Variants in LOXL3 observed in about 807,000 individuals in gnomAD.
The protein encoded by LOXL3 is lysyl oxidase like 3, also known as lysyl oxidase homolog 3.
In LOXL3, 60 loss-of-function variants were observed where a neutral mutation model predicts 91.8. The observed-to-expected ratio is 0.65, with a 90% confidence interval of 0.53 to 0.81. The LOEUF (loss-of-function observed/expected upper bound fraction) is 0.81, where lower values mean the gene tolerates loss of function less well. LOXL3 is among the 30% of genes least tolerant of loss of function. The pLI is 0.00. For missense variants in LOXL3, 874 were observed against 1,000.4 expected, an observed-to-expected ratio of 0.87 and a Z score of 1.70; for synonymous variants, 355 against 387.6, an observed-to-expected ratio of 0.92 and a Z score of 0.99.
At position 74,549,571 on chromosome 2, in the gene LOXL3, G is replaced by A; in HGVS notation, c.490C>T (p.Leu164=). The part of the protein sequence containing the change: ...DSNVIEVEHH[L]QVEEVRIRPA... The stretch of plus-strand genomic sequence containing the variant: ...CGAATTCGCACCTCCTCCACTTGCA[G>A]GTGATGCTCTACCTGGGGGCGGGGC... The change falls in exon 4 of 14, where the codon CTG becomes TTG. Residue 164 remains leucine, a synonymous_variant. Transcript: ENST00000264094. This position sits in a 1 kb window ranked among gnomAD's most constrained non-coding sequence, Gnocchi z 5.3. The A allele has an allele frequency of 6.2e-7, 1 of 1,609,018 alleles. No individual in the cohort carries two copies. Among genetic ancestry groups the A allele is most frequent in the East Asian group, 2.2e-5 (1 of 44,702 alleles).
In LOXL3 at chr2:74,549,640, G is replaced by C; in HGVS notation, c.478-57C>G. 1 of 1,540,524 alleles carries C rather than the reference G, an allele frequency of 6.5e-7. No homozygotes were observed. On this transcript the variant is annotated intron_variant, in intron 3 of 13. Transcript: ENST00000264094. This position sits in a 1 kb window ranked among gnomAD's most constrained non-coding sequence, Gnocchi z 5.3. ...CCCAGTGGCACCTTTCATGTGTCCC[G>C]CCGCCCTTAAGGAACCCTGCTTGGT...
intron 4 of LOXL3, among the ~76,000 whole-genome samples, chr2:74,541,355 C>T (rs1422624746): frequency 6.6e-6 from 1 of 152,152 alleles, no homozygotes; most frequent in Non-Finnish European, 1.5e-5. Context: ...TGTGAAGACA[C>T]CTTGGGATTT....
In LOXL3 at chr2:74,535,930, G is replaced by A; in HGVS notation, c.1248+66C>T. 1 of 1,512,066 alleles carries A rather than the reference G, an allele frequency of 6.6e-7. No homozygotes were observed. Among genetic ancestry groups the A allele is most frequent in the South Asian group, 1.3e-5 (1 of 75,582 alleles). The allele number at this position is 1,512,066 out of a possible 1,614,324, so 93.7% of individuals were successfully genotyped here. On this transcript the variant is annotated intron_variant, in intron 7 of 13. Coordinates refer to ENST00000264094, the MANE Select transcript of LOXL3 (RefSeq NM_032603.5). This position sits in a 1 kb window ranked among gnomAD's most constrained non-coding sequence, Gnocchi z 4.2. ...GCAATGGGCTGGGGGCCATTGGACT[G>A]TAGATTGGAGACCAGACCTGGATAG...
rs1244466379 is a variant in LOXL3 at position 74,533,865 on chromosome 2, C to T, written c.2188+17G>A. 4 of 1,594,852 alleles carry T rather than the reference C, an allele frequency of 2.5e-6. No homozygotes were observed. Among genetic ancestry groups the T allele is most frequent in the Non-Finnish European group, 3.4e-6 (4 of 1,163,228 alleles). ...CCCATCCCCTAATCTTCCTGGGTTGCTCTTCCCATCAAATACCAATGTGGC... is the reference window on the plus strand; with the variant it reads ...CCCATCCCCTAATCTTCCTGGGTTGTTCTTCCCATCAAATACCAATGTGGC... On this transcript the variant is annotated intron_variant, in intron 13 of 13. Coordinates refer to ENST00000264094, the MANE Select transcript of LOXL3 (RefSeq NM_032603.5).
chr2:74,554,708 G>T, upstream of LOXL3: 1 of 1,593,500 alleles, frequency 6.3e-7, no homozygotes, highest in Non-Finnish European at 8.6e-7. The surrounding 1 kb of genome is among the most constrained non-coding windows in gnomAD (Gnocchi z 4.9). Flanking sequence ...CTCCCGCCCC[G>T]CCTCCCGCCG....
chr2:74,546,232 C>T (rs1461886621), intron 4 of LOXL3, among the ~76,000 whole-genome samples: 1 of 152,204 alleles, frequency 6.6e-6, no homozygotes. Context: ...AACCCCATAA[C>T]CAGCCACCTG....
chr2:74,537,822 A>G (rs1312865453), intron 4 of LOXL3, among the ~76,000 whole-genome samples: 1 of 152,240 alleles, frequency 6.6e-6, no homozygotes, highest in Non-Finnish European at 1.5e-5. Context: ...GAGAGGCTGC[A>G]GTGAGGCACG....
chr2:74,554,795 G>A, upstream of LOXL3: 1 of 1,614,162 alleles, frequency 6.2e-7, no homozygotes, highest in Non-Finnish European at 8.5e-7. This position sits in a 1 kb window ranked among gnomAD's most constrained non-coding sequence, Gnocchi z 4.9. Flanking sequence ...TTTTTGCAGA[G>A]TCAGCGCTTT....
chr2:74,536,247 C>G lies in LOXL3; in HGVS notation c.1093+44G>C, dbSNP rs1213234112. The stretch of plus-strand genomic sequence containing the variant: ...TCCGAAGGAATATGCCCCCCAGGAG[C>G]ATGTACCTCCTTCCCTCTCCCTCCC... On this transcript the variant is annotated intron_variant, in intron 6 of 13. Transcript: ENST00000264094. This position sits in a 1 kb window ranked among gnomAD's most constrained non-coding sequence, Gnocchi z 4.5. The G allele has an allele frequency of 3.1e-6, 5 of 1,611,784 alleles. No individual in the cohort carries two copies. Among genetic ancestry groups the G allele is most frequent in the Non-Finnish European group, 4.2e-6 (5 of 1,179,126 alleles).
chr2:74,549,718 C>T lies in LOXL3; in HGVS notation c.478-135G>A. 1.4e-6 allele frequency: 2 copies of T among 1,444,232 alleles called. No homozygotes were observed. Among genetic ancestry groups the T allele is most frequent in the South Asian group, 1.5e-5 (1 of 66,598 alleles). The allele number at this position is 1,444,232 out of a possible 1,614,324, so 89.5% of individuals were successfully genotyped here. Reference sequence around the variant, plus strand: ...TGGGCCCGAGGCGGCGCTGAGAGAGCGGCCACGATGGCCGCAGTCCGCGGT... The same window carrying T: ...TGGGCCCGAGGCGGCGCTGAGAGAGTGGCCACGATGGCCGCAGTCCGCGGT... On this transcript the variant is annotated intron_variant, in intron 3 of 13. Coordinates refer to ENST00000264094, the MANE Select transcript of LOXL3 (RefSeq NM_032603.5). This position sits in a 1 kb window ranked among gnomAD's most constrained non-coding sequence, Gnocchi z 5.3.
intron 4 of LOXL3, chr2:74,548,981 G>A (rs1676797227): frequency 6.5e-6 from 1 of 153,578 alleles, no homozygotes; most frequent in Non-Finnish European, 1.4e-5. Flanking sequence ...ACACACCCAG[G>A]CGCCGCCTCC....
In LOXL3 at chr2:74,549,552, C is replaced by T; in HGVS notation, c.509G>A (p.Arg170Gln). The change falls in exon 4 of 14, where the codon CGA becomes CAA. Residue 170 changes from arginine (R) to glutamine (Q), a missense_variant. Physicochemically the swap from Arg to Gln is conservative, Grantham distance 43 (BLOSUM62 1). Transcript: ENST00000264094. The surrounding 1 kb of genome is among the most constrained non-coding windows in gnomAD (Gnocchi z 5.3). ...GCCCCACCCAACGGCGGGTCGAATT[C>T]GCACCTCCTCCACTTGCAGGTGATG... is the stretch of plus-strand genomic sequence containing the variant. ...VEHHLQVEEV[R>Q]IRPAVGWGRR... 1 of 1,611,296 alleles carries T rather than the reference C, an allele frequency of 6.2e-7. No homozygotes were observed. Among genetic ancestry groups the T allele is most frequent in the Non-Finnish European group, 8.5e-7 (1 of 1,178,148 alleles).
rs36019383 is a variant in LOXL3, at chr2:74,552,785, G to GC, written c.-12-140dup. ...AGCGAGAGACAACAGGAGAGAAAGA[G>GC]CCCCAGGGACCAAGAGACAGGGAGA... On this transcript the variant is annotated intron_variant, in intron 1 of 13. Transcript: ENST00000264094. The GC allele has an allele frequency of 5.9e-3, 4,299 of 733,780 alleles. 130 individuals carry two copies. In the African/African-American group the frequency reaches 0.068, roughly 12 times the overall value. 45.5% of individuals were successfully genotyped at this position (733,780 alleles called of 1,614,324 possible). A position where few individuals can be genotyped will look rare whatever the true frequency, so the allele number is the denominator to read the frequency against.
Position 74,549,708 on chromosome 2 carries a change from G to A in LOXL3, c.478-125C>T. Reference sequence around the variant, plus strand: ...AGTGGCGGGATGGGCCCGAGGCGGCGCTGAGAGAGCGGCCACGATGGCCGC... The same window carrying A: ...AGTGGCGGGATGGGCCCGAGGCGGCACTGAGAGAGCGGCCACGATGGCCGC... On this transcript the variant is annotated intron_variant, in intron 3 of 13. Coordinates refer to ENST00000264094, the MANE Select transcript of LOXL3 (RefSeq NM_032603.5). This position sits in a 1 kb window ranked among gnomAD's most constrained non-coding sequence, Gnocchi z 5.3. 1.4e-6 allele frequency: 2 copies of A among 1,446,642 alleles called. No individual in the cohort carries two copies. The highest frequency in any genetic ancestry group is 2.5e-5 in the East Asian group (1 of 39,826). The allele number at this position is 1,446,642 out of a possible 1,614,324, so 89.6% of individuals were successfully genotyped here. A position where few individuals can be genotyped will look rare whatever the true frequency, so the allele number is the denominator to read the frequency against.
In LOXL3 at chr2:74,532,311, T is replaced by A. The variant is rs1675668784; in HGVS notation, c.*1295A>T. 2 of 481,502 alleles carry A rather than the reference T, an allele frequency of 4.2e-6. No homozygotes were observed. Among genetic ancestry groups the A allele is most frequent in the Non-Finnish European group, 3.8e-6 (1 of 264,374 alleles). 29.8% of individuals were successfully genotyped at this position (481,502 alleles called of 1,614,324 possible). ...CTGTTCTTGTTTTATATGGTTAATA[T>A]CAGATCCATCCTTTTAGGCTCAACT... On this transcript the variant is annotated 3_prime_UTR_variant, in exon 14 of 14. Transcript: ENST00000264094.
At position 74,549,546 on chromosome 2, in the gene LOXL3, C is replaced by T. The variant is rs375565645; in HGVS notation, c.515G>A (p.Arg172Gln). 36 of 1,611,442 alleles carry T rather than the reference C, an allele frequency of 2.2e-5. No homozygotes were observed. Among genetic ancestry groups the T allele is most frequent in the Non-Finnish European group, 3.1e-5 (36 of 1,178,398 alleles). ...TCGTCTGCCCCACCCAACGGCGGGT[C>T]GAATTCGCACCTCCTCCACTTGCAG... is the stretch of plus-strand genomic sequence containing the variant. ...HHLQVEEVRI[R>Q]PAVGWGRRPL... The change falls in exon 4 of 14, where the codon CGA becomes CAA. Residue 172 changes from arginine to glutamine, a missense_variant. Arg to Gln is a conservative substitution (Grantham distance 43, BLOSUM62 1). Coordinates refer to ENST00000264094, the MANE Select transcript of LOXL3 (RefSeq NM_032603.5). The surrounding 1 kb of genome is among the most constrained non-coding windows in gnomAD (Gnocchi z 5.3).
chr2:74,547,036 C>T (rs1036686659), intron 4 of LOXL3, among the ~76,000 whole-genome samples: 3 of 151,968 alleles, frequency 2.0e-5, no homozygotes, highest in Non-Finnish European at 4.4e-5. Flanking sequence ...TTTTTTGAGA[C>T]AGGGTCTTGC....
intron 2 of LOXL3, 78 bp downstream of exon 2, chr2:74,552,244 T>C: frequency 7.4e-7 from 1 of 1,358,852 alleles, no homozygotes; most frequent in Non-Finnish European, 1.0e-6. Flanking sequence ...CCTATGGCTG[T>C]GCCATCCTCG....
At chr2:74,551,426 C>A (rs969544191) in intron 2 of LOXL3, among the ~76,000 whole-genome samples, 1 of 152,246 alleles carries the variant, frequency 6.6e-6, no homozygotes, top group African/African-American at 2.4e-5. Flanking sequence ...ATGACTTTCC[C>A]CTACCACATC....
Sources: allele counts gnomAD v4.1 joint callset (sites outside exome capture counted in the v4.1 genomes callset), GRCh38; gene constraint gnomAD v4.1.1; non-coding constraint Gnocchi (gnomAD v3.1); transcripts MANE v1.5; gene names NCBI Gene and HGNC (gene_info 2026-07-23, HGNC 2026-07-21).